WIPF1: variants seen among roughly 807,000 people sequenced by gnomAD.
WIPF1 encodes the protein WAS/WASL-interacting protein family member 1.
A neutral mutation model predicts 35.4 loss-of-function variants in WIPF1; 13 were observed. The ratio of observed to expected loss-of-function variants is 0.37; its 90% confidence interval spans 0.24 to 0.58. WIPF1 has a LOEUF of 0.58. Among genes scored for constraint, WIPF1 ranks in the 20% least tolerant of loss-of-function variants. The probability of loss-of-function intolerance (pLI) is 0.74; values close to 1 mark genes in which losing one functional copy is unlikely to be tolerated. For synonymous variants in WIPF1, 267 were observed against 266.3 expected, an observed-to-expected ratio of 1.00 and a Z score of -0.02; for missense variants, 591 against 667.0, an observed-to-expected ratio of 0.89 and a Z score of 1.25.
intron 1 of WIPF1, among the ~76,000 whole-genome samples, chr2:174,675,155 C>CAT (rs1688102059): frequency 6.6e-6 from 1 of 151,930 alleles, no homozygotes; most frequent in South Asian, 2.1e-4. Flanking sequence ...TATATATGTG[C>CAT]ATATATACTT....
intron 1 of WIPF1, among the ~76,000 whole-genome samples, chr2:174,659,439 T>A (rs955297817): frequency 2.6e-5 from 4 of 152,222 alleles, no homozygotes; most frequent in African/African-American, 7.2e-5. Context: ...GTGATCCTGC[T>A]GGGACTCTAA....
chr2:174,632,171 G>A (rs140119624), intron 1 of WIPF1, among the ~76,000 whole-genome samples: 3 of 152,212 alleles, frequency 2.0e-5, no homozygotes, highest in East Asian at 1.9e-4. Context: ...AATACTCCAG[G>A]TGCTCTCTAC....
In WIPF1 at chr2:174,581,414, T is replaced by G; in HGVS notation, c.77A>C (p.Asn26Thr). Residue 26 changes from asparagine (N) to threonine (T), a missense_variant, in exon 3 of 8, where the codon AAT becomes ACT. Coordinates refer to ENST00000679041, the MANE Select transcript of WIPF1 (RefSeq NM_001375834.1). The stretch of plus-strand genomic sequence containing the variant: ...ATTTCTCCCAGCCTGCTCTGTCTTA[T>G]TCAAGGTAGGCTTCTCTGTATTGGC... ...ALANTEKPTL[N>T]KTEQAGRNAL... The G allele has an allele frequency of 1.2e-6, 2 of 1,614,028 alleles. No individual in the cohort carries two copies. The highest frequency in any genetic ancestry group is 8.5e-7 in the Non-Finnish European group (1 of 1,179,954).
chr2:174,575,018 G>T, intron 4 of WIPF1, 186 bp downstream of exon 4: 1 of 847,746 alleles, frequency 1.2e-6, no homozygotes, highest in Non-Finnish European at 2.0e-6. Context: ...GTTCTGTGTA[G>T]CTGTCTGATC....
intron 1 of WIPF1, among the ~76,000 whole-genome samples, chr2:174,607,548 A>G (rs1403855495): frequency 6.6e-6 from 1 of 152,194 alleles, no homozygotes; most frequent in African/African-American, 2.4e-5. Flanking sequence ...ATTTTATACC[A>G]AGTAAAACCT....
At chr2:174,585,643 A>T in intron 1 of WIPF1, 32 bp from the exon 2 acceptor site, 1 of 1,464,640 alleles carries the variant, frequency 6.8e-7, no homozygotes, top group Non-Finnish European at 9.5e-7. Flanking sequence ...CATGTATTAG[A>T]TGTAATCTTA....
chr2:174,621,411 C>A (rs1686671316), intron 1 of WIPF1, among the ~76,000 whole-genome samples: 1 of 152,112 alleles, frequency 6.6e-6, no homozygotes, highest in Admixed American at 6.6e-5. Flanking sequence ...AATGAAAATA[C>A]AACTCTGGAG....
chr2:174,570,648 G>A (rs1316745201), intron 5 of WIPF1: 1 of 152,168 alleles, frequency 6.6e-6, no homozygotes, highest in Non-Finnish European at 1.5e-5. Context: ...AGAGACTCCG[G>A]GAAGGGACCC....
intron 1 of WIPF1, chr2:174,630,451 G>A (rs1180765646): frequency 1.3e-5 from 2 of 152,198 alleles, no homozygotes; most frequent in East Asian, 3.8e-4. Context: ...GTTGCACTAT[G>A]ACAGGGTTCT....
intron 1 of WIPF1, among the ~76,000 whole-genome samples, chr2:174,627,870 C>G (rs1686896669): frequency 6.6e-6 from 1 of 152,122 alleles, no homozygotes; most frequent in Admixed American, 6.6e-5. Flanking sequence ...TTTCTAATAG[C>G]AGGACCCATG....
chr2:174,681,093 C>A (rs978721751), intron 1 of WIPF1, among the ~76,000 whole-genome samples: 1 of 152,228 alleles, frequency 6.6e-6, no homozygotes, highest in African/African-American at 2.4e-5. Context: ...ACCTTGCTTA[C>A]AAATCTCTTT....
intron 1 of WIPF1, among the ~76,000 whole-genome samples, chr2:174,633,870 C>T (rs1687104371): frequency 6.6e-6 from 1 of 152,088 alleles, no homozygotes; most frequent in African/African-American, 2.4e-5. Flanking sequence ...AAAAGGATTT[C>T]CTCGTCTCAT....
At chr2:174,628,747 T>A (rs1391779938) in intron 1 of WIPF1, among the ~76,000 whole-genome samples, 1 of 152,240 alleles carries the variant, frequency 6.6e-6, no homozygotes, top group Non-Finnish European at 1.5e-5. Context: ...GGGGCCTTGT[T>A]CTGCACCCTC....
At chr2:174,612,614 T>G (rs1686385291) in intron 1 of WIPF1, among the ~76,000 whole-genome samples, 1 of 151,944 alleles carries the variant, frequency 6.6e-6, no homozygotes, top group Admixed American at 6.6e-5. Context: ...TACGATTAAA[T>G]TATTTTCTCA....
At chr2:174,674,903 T>C (rs1688095763) in intron 1 of WIPF1, among the ~76,000 whole-genome samples, 2 of 133,918 alleles carry the variant, frequency 1.5e-5, no homozygotes, top group African/African-American at 2.9e-5. Context: ...CAGGTTCAAA[T>C]ACACACACAC....
intron 1 of WIPF1, among the ~76,000 whole-genome samples, chr2:174,636,251 A>C (rs1216063382): frequency 6.6e-6 from 1 of 152,230 alleles, no homozygotes; most frequent in Admixed American, 6.5e-5. Context: ...TGTTCTGCTT[A>C]AGCCGTGTTC....
intron 1 of WIPF1, among the ~76,000 whole-genome samples, chr2:174,668,621 T>G (rs994116053): frequency 1.3e-5 from 2 of 152,164 alleles, no homozygotes; most frequent in African/African-American, 4.8e-5. Context: ...ATCAGGGCAG[T>G]GTGGATGATT....
intron 1 of WIPF1, among the ~76,000 whole-genome samples, chr2:174,627,496 T>A: frequency 6.7e-6 from 1 of 148,258 alleles, no homozygotes. Flanking sequence ...CCTCCCTTCC[T>A]TCCTCCCTTC....
chr2:174,674,688 G>T (rs1438648632), intron 1 of WIPF1, among the ~76,000 whole-genome samples: 3 of 151,956 alleles, frequency 2.0e-5, no homozygotes, highest in Non-Finnish European at 4.4e-5. Context: ...ACAGTGACAA[G>T]TGCTCCCTAA....
Sources: gnomAD v4.1 joint callset for allele counts (sites outside exome capture counted in the v4.1 genomes callset) on GRCh38, gnomAD v4.1.1 for gene constraint, MANE v1.5 for transcripts, NCBI Gene and HGNC (gene_info 2026-07-23, HGNC 2026-07-21) for gene names.